The following GALNT13 variants were observed in gnomAD, a reference collection of about 807,000 sequenced individuals.
GALNT13 encodes UDP-GalNAc:polypeptide N-acetylgalactosaminyltransferase 13.
GALNT13 carries 28 observed loss-of-function variants against 64.2 expected under a neutral mutation model. That is an observed-to-expected ratio of 0.44 (90% CI 0.32 to 0.60). The LOEUF (loss-of-function observed/expected upper bound fraction) is 0.60. Ranked by LOEUF, GALNT13 falls within the 20% of genes least tolerant of loss-of-function variation. The pLI, the probability that GALNT13 is intolerant of heterozygous loss-of-function variation, is 0.05. For synonymous variants in GALNT13, 214 were observed against 224.6 expected (o/e 0.95, Z 0.42); for missense variants, 577 against 669.8 (o/e 0.86, Z 1.53).
the GALNT13 span, among the ~76,000 whole-genome samples, chr2:153,523,668 T>C: frequency 6.6e-6 from 1 of 152,240 alleles, no homozygotes; most frequent in African/African-American, 2.4e-5. Flanking sequence ...ACCTTGTATC[T>C]GGCAATCATG....
At chr2:153,290,751 T>C in the GALNT13 span, among the ~76,000 whole-genome samples, 1 of 152,206 alleles carries the variant, frequency 6.6e-6, no homozygotes, top group African/African-American at 2.4e-5. Context: ...GTACCTTGCA[T>C]GGAGTAGTGT....
the GALNT13 span, among the ~76,000 whole-genome samples, chr2:153,631,521 T>C: frequency 6.6e-6 from 1 of 152,216 alleles, no homozygotes; most frequent in African/African-American, 2.4e-5. Flanking sequence ...TGTGAAATGA[T>C]ATCTCATTGT....
At chr2:154,036,709 A>G (rs770899293) in intron 3 of GALNT13, among the ~76,000 whole-genome samples, 35 of 152,086 alleles carry the variant, frequency 2.3e-4, no homozygotes, top group Non-Finnish European at 4.4e-4. Context: ...TTTGACCTCT[A>G]CAACCTAACA....
At chr2:153,819,541 C>T in the GALNT13 span, among the ~76,000 whole-genome samples, 1 of 152,160 alleles carries the variant, frequency 6.6e-6, no homozygotes, top group Non-Finnish European at 1.5e-5. Flanking sequence ...CATTTGTGGG[C>T]AAGTCAGGGG....
At chr2:153,488,332 C>T in the GALNT13 span, among the ~76,000 whole-genome samples, 2 of 152,214 alleles carry the variant, frequency 1.3e-5, no homozygotes, top group Admixed American at 6.5e-5. Context: ...CACATTCGCA[C>T]ACACTGAGCA....
At chr2:154,298,702 ATAC>A (rs2105980691) in intron 8 of GALNT13, among the ~76,000 whole-genome samples, 1 of 121,166 alleles carries the variant, frequency 8.3e-6, no homozygotes, top group South Asian at 2.4e-4. Flanking sequence ...TACATTGTAT[ATAC>A]AATTTATATA....
chr2:154,327,314 T>G (rs1257535349), intron 9 of GALNT13, among the ~76,000 whole-genome samples: 3 of 152,076 alleles, frequency 2.0e-5, no homozygotes, highest in African/African-American at 7.2e-5. Context: ...CTCCCTCCTT[T>G]GCAAATACCC....
At chr2:154,010,185 G>A (rs939587721) in intron 3 of GALNT13, among the ~76,000 whole-genome samples, 12 of 151,868 alleles carry the variant, frequency 7.9e-5, no homozygotes, top group East Asian at 5.8e-4. Flanking sequence ...TTGCTAAGAC[G>A]CTTCCATCTT....
the GALNT13 span, among the ~76,000 whole-genome samples, chr2:153,297,248 GGTTT>G: frequency 6.6e-5 from 10 of 152,006 alleles, no homozygotes; most frequent in African/African-American, 2.4e-4. Context: ...TTTCTCAGCT[GGTTT>G]GTTTTAGTGT....
chr2:154,208,033 A>AT (rs1687558351), intron 4 of GALNT13, among the ~76,000 whole-genome samples: 1 of 152,052 alleles, frequency 6.6e-6, no homozygotes, highest in African/African-American at 2.4e-5. Context: ...TACCTAGGGG[A>AT]TTTTTTTAAG....
chr2:153,273,610 T>C, the GALNT13 span, among the ~76,000 whole-genome samples: 1 of 152,182 alleles, frequency 6.6e-6, no homozygotes, highest in Non-Finnish European at 1.5e-5. Flanking sequence ...TGAAGAGTCA[T>C]GATTTGTGAA....
At chr2:153,541,925 C>A in the GALNT13 span, among the ~76,000 whole-genome samples, 11 of 152,146 alleles carry the variant, frequency 7.2e-5, no homozygotes, top group African/African-American at 2.7e-4. Flanking sequence ...TTTCTCCTAT[C>A]CATCTGCCTC....
At chr2:153,672,456 G>A in the GALNT13 span, among the ~76,000 whole-genome samples, 591 of 152,156 alleles carry the variant, frequency 3.9e-3, 5 homozygotes, top group African/African-American at 0.014. Context: ...ATGACTACTG[G>A]GTAAATAAAG....
At chr2:154,366,280 TTCTA>T (rs1288771155) in intron 9 of GALNT13, among the ~76,000 whole-genome samples, 4 of 152,196 alleles carry the variant, frequency 2.6e-5, no homozygotes, top group Admixed American at 2.6e-4. Flanking sequence ...GTTTTCAAAG[TTCTA>T]TCTTTGTCTA....
At chr2:154,096,208 G>A (rs563895168) in intron 3 of GALNT13, among the ~76,000 whole-genome samples, 89 of 152,054 alleles carry the variant, frequency 5.9e-4, no homozygotes, top group African/African-American at 2.0e-3. Context: ...CTCAAGTCCT[G>A]GTAAGTGTTT....
the GALNT13 span, among the ~76,000 whole-genome samples, chr2:153,549,727 T>C: frequency 6.6e-6 from 1 of 152,174 alleles, no homozygotes; most frequent in Non-Finnish European, 1.5e-5. Flanking sequence ...AAATAAATGA[T>C]TCTATTAAAT....
the GALNT13 span, among the ~76,000 whole-genome samples, chr2:153,077,327 T>G: frequency 6.6e-6 from 1 of 152,188 alleles, no homozygotes; most frequent in East Asian, 1.9e-4. Flanking sequence ...TATATTTATA[T>G]ATCTGTAAAA....
At chr2:154,297,186 T>C (rs1333198834) in intron 8 of GALNT13, among the ~76,000 whole-genome samples, 1 of 152,088 alleles carries the variant, frequency 6.6e-6, no homozygotes, top group Non-Finnish European at 1.5e-5. Context: ...GGAAGTAAAA[T>C]TAAGTAATTA....
At chr2:154,358,702 T>C (rs1464148635) in intron 9 of GALNT13, among the ~76,000 whole-genome samples, 1 of 152,102 alleles carries the variant, frequency 6.6e-6, no homozygotes, top group Non-Finnish European at 1.5e-5. Context: ...CTAATTTGAT[T>C]TACAAATGCA....
Sources: allele counts gnomAD v4.1 joint callset (sites outside exome capture counted in the v4.1 genomes callset), GRCh38; gene constraint gnomAD v4.1.1; transcripts MANE v1.5; gene names NCBI Gene and HGNC (gene_info 2026-07-23, HGNC 2026-07-21).